The following NCAM2 variants were observed in gnomAD, a reference collection of about 807,000 sequenced individuals.
NCAM2 encodes N-CAM-2.
A neutral mutation model predicts 98.1 loss-of-function variants in NCAM2; 30 were observed. The observed-to-expected ratio is 0.31, with a 90% CI of 0.23 to 0.41. The LOEUF is 0.41. Ranked by LOEUF, NCAM2 falls within the 10% of genes least tolerant of loss-of-function variation. The pLI is 1.00. For missense variants in NCAM2, 867 were observed against 1,005.8 expected (o/e 0.86, Z 1.87); for synonymous variants, 368 against 342.4 (o/e 1.07, Z -0.83).
chr21:21,409,222 C>A (rs1320766134), intron 9 of NCAM2, among the ~76,000 whole-genome samples: 6 of 151,908 alleles, frequency 3.9e-5, no homozygotes, highest in African/African-American at 7.3e-5. Context: ...AGATCGTAGT[C>A]CTGGGGTGGA....
chr21:21,104,948 A>T (rs1402433402), intron 1 of NCAM2, among the ~76,000 whole-genome samples: 12 of 152,082 alleles, frequency 7.9e-5, no homozygotes, highest in African/African-American at 2.7e-4. Context: ...AAGGAGAAAA[A>T]CTGAAATCTC....
In NCAM2 at chr21:21,144,439, T is replaced by C. The variant is rs530335993; in HGVS notation, c.56-136139T>C. Among the ~76,000 whole-genome samples, 3 of 152,092 alleles carry C rather than the reference T, an allele frequency of 2.0e-5. No homozygotes were observed. In the East Asian group the frequency reaches 5.8e-4, roughly 30 times the overall value. On this transcript the variant is annotated intron_variant, in intron 1 of 17. Transcript: ENST00000400546. ...TTAAAAGATAATATCCTTGCCAAATTAGTTCAAGATTATACACTCCAAACC... is the reference window on the plus strand; with the variant it reads ...TTAAAAGATAATATCCTTGCCAAATCAGTTCAAGATTATACACTCCAAACC...
intron 1 of NCAM2, among the ~76,000 whole-genome samples, chr21:21,200,151 A>G (rs2069157102): frequency 6.6e-6 from 1 of 152,110 alleles, no homozygotes; most frequent in Non-Finnish European, 1.5e-5. Context: ...TTAAGATGGG[A>G]CTAACTCAGC....
intron 16 of NCAM2, among the ~76,000 whole-genome samples, chr21:21,532,702 A>G (rs1435015795): frequency 2.0e-5 from 3 of 152,286 alleles, no homozygotes. Context: ...CACAAATAGT[A>G]TACTCCTGTA....
At chr21:21,341,315 TTTAG>T (rs2075027223) in intron 8 of NCAM2, among the ~76,000 whole-genome samples, 1 of 152,136 alleles carries the variant, frequency 6.6e-6, no homozygotes, top group Admixed American at 6.6e-5. Context: ...TTGAAGTTGA[TTTAG>T]TATATGCAGC....
At chr21:21,220,213 G>T (rs774857122) in intron 1 of NCAM2, among the ~76,000 whole-genome samples, 1 of 152,038 alleles carries the variant, frequency 6.6e-6, no homozygotes, top group African/African-American at 2.4e-5. Context: ...AGACCTTCAC[G>T]TGCACTCACC....
At chr21:21,526,977 A>G (rs537882065) in intron 16 of NCAM2, among the ~76,000 whole-genome samples, 59 of 152,310 alleles carry the variant, frequency 3.9e-4, no homozygotes, top group African/African-American at 1.3e-3. Context: ...ATTAACTCAA[A>G]ATGTAATATT....
At chr21:21,476,704 CGTT>C (rs1224006256) in intron 14 of NCAM2, among the ~76,000 whole-genome samples, 1 of 151,680 alleles carries the variant, frequency 6.6e-6, no homozygotes, top group Non-Finnish European at 1.5e-5. Context: ...AATAGGATGG[CGTT>C]GTTTTATATT....
chr21:21,048,986 T>C (rs2065051605), intron 1 of NCAM2, among the ~76,000 whole-genome samples: 1 of 151,040 alleles, frequency 6.6e-6, no homozygotes, highest in Non-Finnish European at 1.5e-5. Context: ...TTATATACTT[T>C]CTATTTACTA....
intron 1 of NCAM2, among the ~76,000 whole-genome samples, chr21:21,057,570 A>G (rs4818599): frequency 0.88 from 133,847 of 152,052 alleles, 59,505 homozygotes; most frequent in Middle Eastern, 0.96. Context: ...GCACCCGACA[A>G]ATCCTTCCTG....
chr21:21,192,685 A>G (rs1272617679), intron 1 of NCAM2, among the ~76,000 whole-genome samples: 1 of 152,204 alleles, frequency 6.6e-6, no homozygotes, highest in African/African-American at 2.4e-5. Context: ...AAATCCACAA[A>G]GGGCTGAGGT....
At chr21:21,224,206 A>G (rs1335556995) in intron 1 of NCAM2, among the ~76,000 whole-genome samples, 1 of 152,192 alleles carries the variant, frequency 6.6e-6, no homozygotes, top group East Asian at 1.9e-4. Flanking sequence ...AAGGTTTTTC[A>G]CATTTCCACG....
In NCAM2 at chr21:21,252,496, A is replaced by G. The variant is rs573461201; in HGVS notation, c.56-28082A>G. 1.3e-4 allele frequency among the ~76,000 whole-genome samples: 20 copies of G among 152,034 alleles called. No homozygotes were observed. The East Asian group carries it at 2.9e-3, about 22-fold the overall frequency. ...CATTATATAAGACACAATCTAGTCA[A>G]TCAATTATAGAATATGCCAAAGCAC... On this transcript the variant is annotated intron_variant, in intron 1 of 17. Transcript: ENST00000400546.
rs1326821588 is a variant in NCAM2, at chr21:21,382,795, G to T, written c.1195+8782G>T. On this transcript the variant is annotated intron_variant, in intron 9 of 17. Coordinates refer to ENST00000400546, the MANE Select transcript of NCAM2 (RefSeq NM_004540.5). ...TCTGTCTGTCTCGGCCTCCCAAAGAGCTAGGATTACAGGCGGGAGCCACTG... is the reference window on the plus strand; with the variant it reads ...TCTGTCTGTCTCGGCCTCCCAAAGATCTAGGATTACAGGCGGGAGCCACTG... 2.0e-5 allele frequency among the ~76,000 whole-genome samples: 3 copies of T among 151,882 alleles called. No homozygotes were observed. The East Asian group carries it at 5.8e-4, about 29-fold the overall frequency.
chr21:21,433,948 G>A (rs1216771155), intron 12 of NCAM2, among the ~76,000 whole-genome samples: 3 of 151,980 alleles, frequency 2.0e-5, no homozygotes, highest in African/African-American at 7.3e-5. Context: ...ATTGAACACG[G>A]CACAAAAGTG....
At chr21:21,366,643 T>A (rs1031252099) in intron 8 of NCAM2, among the ~76,000 whole-genome samples, 6 of 152,040 alleles carry the variant, frequency 3.9e-5, no homozygotes, top group Admixed American at 3.9e-4. Flanking sequence ...TTCTCTTAAT[T>A]CAGGAAACAG....
intron 1 of NCAM2, among the ~76,000 whole-genome samples, chr21:21,104,571 G>A (rs1323735795): frequency 6.6e-6 from 1 of 152,078 alleles, no homozygotes; most frequent in Non-Finnish European, 1.5e-5. Context: ...TCAGTAAACA[G>A]AATTAGAGGG....
chr21:21,449,651 AC>A (rs1181970632), intron 12 of NCAM2, among the ~76,000 whole-genome samples: 1 of 152,058 alleles, frequency 6.6e-6, no homozygotes, highest in Non-Finnish European at 1.5e-5. Flanking sequence ...AAAACTACTT[AC>A]TATAAACATT....
chr21:21,090,842 T>A (rs1217070880), intron 1 of NCAM2, among the ~76,000 whole-genome samples: 1 of 152,204 alleles, frequency 6.6e-6, no homozygotes, highest in Non-Finnish European at 1.5e-5. Flanking sequence ...CTTGCTGTCT[T>A]ACCTATCCCA....
Sources: allele counts gnomAD v4.1 joint callset (sites outside exome capture counted in the v4.1 genomes callset), GRCh38; gene constraint gnomAD v4.1.1; transcripts MANE v1.5; gene names NCBI Gene and HGNC (gene_info 2026-07-23, HGNC 2026-07-21).